PTPRA: variants seen among roughly 807,000 people sequenced by gnomAD.
PTPRA encodes the protein receptor-type tyrosine-protein phosphatase alpha.
PTPRA carries 25 observed loss-of-function variants against 104.8 expected under a neutral mutation model. The ratio of observed to expected loss-of-function variants is 0.24; its 90% CI spans 0.17 to 0.33. The LOEUF (loss-of-function observed/expected upper bound fraction) is 0.33, where lower values mean the gene tolerates loss of function less well. PTPRA is among the 10% of genes least tolerant of loss of function. The pLI is 1.00. For synonymous variants in PTPRA, 323 were observed against 368.9 expected, an observed-to-expected ratio of 0.88 and a Z score of 1.43; for missense variants, 765 against 1,015.3, an observed-to-expected ratio of 0.75 and a Z score of 3.35.
At chr20:3,034,174 G>A (rs1216194337) in intron 20 of PTPRA, among the ~76,000 whole-genome samples, 1 of 152,024 alleles carries the variant, frequency 6.6e-6, no homozygotes, top group Non-Finnish European at 1.5e-5. Flanking sequence ...GGGAGTCTGG[G>A]GTGGGAGAAT....
the PTPRA span, chr20:2,865,939 GC>G: frequency 2.7e-5 from 14 of 510,804 alleles, no homozygotes; most frequent in Admixed American, 6.6e-5. The surrounding 1 kb of genome is among the most constrained non-coding windows in gnomAD (Gnocchi z 5.2). Flanking sequence ...TGGCAGGAAC[GC>G]CTGTTGCAAG....
intron 2 of PTPRA, among the ~76,000 whole-genome samples, chr20:2,941,044 G>GT (rs943640975): frequency 3.3e-5 from 5 of 150,790 alleles, no homozygotes; most frequent in Admixed American, 6.6e-5. Context: ...TGTTTCTTTG[G>GT]TTTTTTGAGA....
intron 12 of PTPRA, among the ~76,000 whole-genome samples, chr20:3,016,997 C>A (rs995894160): frequency 6.6e-6 from 1 of 152,124 alleles, no homozygotes; most frequent in African/African-American, 2.4e-5. Context: ...TATGAGTTTA[C>A]AAATATTCAC....
At chr20:3,009,774 A>G (rs796968447) in intron 11 of PTPRA, among the ~76,000 whole-genome samples, 4 of 152,330 alleles carry the variant, frequency 2.6e-5, no homozygotes, top group South Asian at 2.1e-4. Context: ...AATGTTATGC[A>G]GAAGAGAAGA....
At chr20:2,992,850 T>C (rs912475449) in intron 9 of PTPRA, among the ~76,000 whole-genome samples, 4 of 152,194 alleles carry the variant, frequency 2.6e-5, no homozygotes, top group Non-Finnish European at 4.4e-5. Context: ...CCTCGCACTT[T>C]GGGAGATGAG....
Position 3,022,686 on chromosome 20 carries a change from C to T in PTPRA, c.1329-3C>T, listed in dbSNP as rs1166810365. 1 of 1,614,152 alleles carries T rather than the reference C, an allele frequency of 6.2e-7. No individual in the cohort carries two copies. The highest frequency in any genetic ancestry group is 8.5e-7 in the Non-Finnish European group (1 of 1,180,000). ...CCTATAACCCCCTGCTCTCTGGCTA[C>T]AGTGCAGGTGTAGGGCGTACAGGTA... On this transcript the variant is annotated splice_region_variant and splice_polypyrimidine_tract_variant and intron_variant, in intron 15 of 23. Coordinates refer to ENST00000399903, the MANE Select transcript of PTPRA (RefSeq NM_001385305.1). This position sits in a 1 kb window ranked among gnomAD's most constrained non-coding sequence, Gnocchi z 4.6.
chr20:2,865,017 G>A, the PTPRA span: 14 of 1,614,020 alleles, frequency 8.7e-6, no homozygotes, highest in Middle Eastern at 1.6e-4. This position sits in a 1 kb window ranked among gnomAD's most constrained non-coding sequence, Gnocchi z 5.2. Context: ...GACAGCCGCC[G>A]ATGCCTTCTA....
chr20:2,908,183 TC>T (rs2059494915), intron 1 of PTPRA, among the ~76,000 whole-genome samples: 1 of 152,204 alleles, frequency 6.6e-6, no homozygotes, highest in Non-Finnish European at 1.5e-5. Flanking sequence ...TTCAAATTTT[TC>T]TGACCATTGC....
At chr20:2,947,951 A>G (rs1213022207) in intron 2 of PTPRA, 31 bp from the exon 3 acceptor site, 4 of 987,564 alleles carry the variant, frequency 4.1e-6, no homozygotes, top group South Asian at 2.8e-5. Flanking sequence ...AGATACTCCT[A>G]ATTAACTGTT....
intron 1 of PTPRA, among the ~76,000 whole-genome samples, chr20:2,886,047 A>G (rs186716234): frequency 3.9e-4 from 60 of 152,342 alleles, no homozygotes; most frequent in African/African-American, 1.3e-3. Context: ...CGACAGAGCA[A>G]GACTCTGTCT....
chr20:2,864,329 T>C, the PTPRA span: 4 of 1,613,978 alleles, frequency 2.5e-6, no homozygotes, highest in Non-Finnish European at 3.4e-6. This position sits in a 1 kb window ranked among gnomAD's most constrained non-coding sequence, Gnocchi z 5.2. Flanking sequence ...AGTGGGAGCC[T>C]GGCTGGAATT....
intron 13 of PTPRA, among the ~76,000 whole-genome samples, chr20:3,021,052 G>A (rs2064843618): frequency 6.6e-6 from 1 of 152,190 alleles, no homozygotes; most frequent in Admixed American, 6.5e-5. Context: ...AGGGAGTGTG[G>A]GTGGGAAACA....
At chr20:2,986,931 C>T in intron 7 of PTPRA, 82 bp downstream of exon 7, 5 of 1,228,376 alleles carry the variant, frequency 4.1e-6, no homozygotes, top group Non-Finnish European at 4.8e-6. Flanking sequence ...GTCCAGTAGA[C>T]AGTAGGATAT....
At chr20:2,927,236 A>G (rs2060334844) in intron 2 of PTPRA, among the ~76,000 whole-genome samples, 1 of 152,126 alleles carries the variant, frequency 6.6e-6, no homozygotes, top group Non-Finnish European at 1.5e-5. Context: ...CTAAGTAAAT[A>G]TTGTTCACTG....
chr20:3,006,771 A>G (rs2063893334), intron 10 of PTPRA, among the ~76,000 whole-genome samples: 1 of 152,074 alleles, frequency 6.6e-6, no homozygotes, highest in Non-Finnish European at 1.5e-5. Context: ...GGGACTACCT[A>G]TAGGCACATG....
chr20:3,009,445 C>T (rs1018962705), intron 11 of PTPRA, among the ~76,000 whole-genome samples: 2 of 151,952 alleles, frequency 1.3e-5, no homozygotes, highest in African/African-American at 2.4e-5. Context: ...AACAACTATT[C>T]CTAAGGTGGT....
At chr20:3,002,540 T>G (rs991490940) in intron 9 of PTPRA, among the ~76,000 whole-genome samples, 1 of 152,098 alleles carries the variant, frequency 6.6e-6, no homozygotes, top group Non-Finnish European at 1.5e-5. Context: ...GTTGGTCAGC[T>G]GGTCTCGAAC....
chr20:3,018,130 A>G (rs900447777), intron 13 of PTPRA, among the ~76,000 whole-genome samples: 3 of 152,108 alleles, frequency 2.0e-5, no homozygotes, highest in Non-Finnish European at 4.4e-5. Context: ...TAGTCAAACA[A>G]CTCACCCTGG....
At chr20:2,987,770 G>T (rs1021202965) in intron 7 of PTPRA, among the ~76,000 whole-genome samples, 1 of 152,172 alleles carries the variant, frequency 6.6e-6, no homozygotes, top group Non-Finnish European at 1.5e-5. Context: ...GCTGTGCTCT[G>T]CAGTGAGCCA....
Sources: allele counts gnomAD v4.1 joint callset (sites outside exome capture counted in the v4.1 genomes callset), GRCh38; gene constraint gnomAD v4.1.1; non-coding constraint Gnocchi (gnomAD v3.1); transcripts MANE v1.5; gene names NCBI Gene and HGNC (gene_info 2026-07-23, HGNC 2026-07-21).